The following THRAP3 variants were observed in gnomAD, a reference collection of about 807,000 sequenced individuals.
The protein encoded by THRAP3 is thyroid hormone receptor associated protein 3, also known as thyroid hormone receptor-associated protein 3.
In THRAP3, 16 loss-of-function variants were observed where a neutral mutation model predicts 101.0. The observed-to-expected ratio is 0.16, with a 90% confidence interval of 0.11 to 0.24. The LOEUF (loss-of-function observed/expected upper bound fraction) is 0.24. Among genes scored for constraint, THRAP3 ranks in the 10% least tolerant of loss-of-function variants. The pLI is 1.00. For synonymous variants in THRAP3, 407 were observed against 422.6 expected, an observed-to-expected ratio of 0.96 and a Z score of 0.45; for missense variants, 989 against 1,202.7, an observed-to-expected ratio of 0.82 and a Z score of 2.63.
At chr1:36,257,705 TA>T (rs1645393168) in intron 1 of THRAP3, among the ~76,000 whole-genome samples, 1 of 152,198 alleles carries the variant, frequency 6.6e-6, no homozygotes, top group South Asian at 2.1e-4. Flanking sequence ...GTTGGAATGA[TA>T]AAATTCTTGC....
chr1:36,215,165 A>C, the THRAP3 span, among the ~76,000 whole-genome samples: 1 of 152,058 alleles, frequency 6.6e-6, no homozygotes, highest in African/African-American at 2.4e-5. Flanking sequence ...TGGGGCTTGC[A>C]GTGAGCCGAG....
chr1:36,288,215 A>G (rs1159073092), intron 4 of THRAP3: 4 of 841,604 alleles, frequency 4.8e-6, no homozygotes, highest in African/African-American at 1.8e-5. Flanking sequence ...TACATGGATA[A>G]GTTTGTTAAT....
chr1:36,280,789 G>C (rs774401894), intron 2 of THRAP3, among the ~76,000 whole-genome samples: 9 of 152,002 alleles, frequency 5.9e-5, no homozygotes, highest in Non-Finnish European at 1.2e-4. Flanking sequence ...AAGGAGAGAA[G>C]TATACCTTGT....
Position 36,286,769 on chromosome 1 carries a change from A to G in THRAP3, c.539A>G (p.Lys180Arg). The stretch of plus-strand genomic sequence containing the variant: ...TCTAAGCGCAAGTCTGCAAAGGAGA[A>G]AAAGTCCTCTTCTAAGGATAGCCGG... ...ESSKRKSAKEKKSSSKDSRPS... is the reference protein window; with the variant it reads ...ESSKRKSAKERKSSSKDSRPS... Residue 180 changes from lysine (K) to arginine (R), a missense_variant, in exon 4 of 12, where the codon AAA becomes AGA. Physicochemically the swap from Lys to Arg is conservative, Grantham distance 26. Transcript: ENST00000354618. The surrounding 1 kb of genome is among the most constrained non-coding windows in gnomAD (Gnocchi z 5.5). 6.2e-7 allele frequency: 1 copy of G among 1,614,222 alleles called. No homozygotes were observed. The highest frequency in any genetic ancestry group is 8.5e-7 in the Non-Finnish European group (1 of 1,180,040).
chr1:36,263,883 T>A (rs1392060496), intron 2 of THRAP3, among the ~76,000 whole-genome samples: 2 of 152,250 alleles, frequency 1.3e-5, no homozygotes, highest in African/African-American at 4.8e-5. Flanking sequence ...CGAAGAGATT[T>A]GTCTTCCAAA....
At chr1:36,245,921 TAAG>T (rs1645225296) in intron 1 of THRAP3, among the ~76,000 whole-genome samples, 1 of 152,218 alleles carries the variant, frequency 6.6e-6, no homozygotes, top group Admixed American at 6.5e-5. Context: ...CATCTGATAA[TAAG>T]AGGTAACCTG....
intron 1 of THRAP3, among the ~76,000 whole-genome samples, chr1:36,246,293 A>C (rs1645229663): frequency 6.6e-6 from 1 of 152,134 alleles, no homozygotes; most frequent in South Asian, 2.1e-4. Flanking sequence ...AGAAAAGTGG[A>C]GCGATCTTGG....
chr1:36,275,815 G>GT lies in THRAP3; in HGVS notation c.-31-6716dup, dbSNP rs770502276. Among the ~76,000 whole-genome samples the GT allele has an allele frequency of 9.2e-5, 14 of 151,738 alleles. No individual in the cohort carries two copies. In the East Asian group the frequency reaches 2.5e-3, roughly 28 times the overall value. On this transcript the variant is annotated intron_variant, in intron 2 of 11. Coordinates refer to ENST00000354618, the MANE Select transcript of THRAP3 (RefSeq NM_005119.4). Reference sequence around the variant, plus strand: ...GTGGGTGGATTGCTTGAGCCCAGGAGTTCCAGACCAGTCTGGACAACATGG... The same window carrying GT: ...GTGGGTGGATTGCTTGAGCCCAGGAGTTTCCAGACCAGTCTGGACAACATGG...
rs897530334 is a variant in THRAP3 at position 36,305,063 on chromosome 1, G to A, written c.*1046G>A. On this transcript the variant is annotated 3_prime_UTR_variant, in exon 12 of 12. Coordinates refer to ENST00000354618, the MANE Select transcript of THRAP3 (RefSeq NM_005119.4). The stretch of plus-strand genomic sequence containing the variant: ...TGTTTAAGTTGAAGCATTCTCAGAT[G>A]TTTGGGGGGAAACATCCTCTTAAAA... The A allele has an allele frequency of 1.8e-4, 37 of 205,812 alleles. No homozygotes were observed. Among genetic ancestry groups the A allele is most frequent in the Non-Finnish European group, 3.0e-5 (3 of 101,206 alleles). 12.7% of individuals were successfully genotyped at this position (205,812 alleles called of 1,614,324 possible).
At chr1:36,237,063 A>G (rs1176361992) in intron 1 of THRAP3, among the ~76,000 whole-genome samples, 3 of 151,984 alleles carry the variant, frequency 2.0e-5, no homozygotes, top group African/African-American at 4.8e-5. Context: ...GTAATCCCAG[A>G]TACTGGGGAG....
the THRAP3 span, among the ~76,000 whole-genome samples, chr1:36,215,321 G>A: frequency 1.3e-5 from 2 of 152,114 alleles, no homozygotes; most frequent in Non-Finnish European, 2.9e-5. Context: ...AGTGGGATCC[G>A]GCTCCTTAGG....
At position 36,255,086 on chromosome 1, in the gene THRAP3, A is replaced by AT. The variant is rs879925583; in HGVS notation, c.-134-4286dup. Among the ~76,000 whole-genome samples, 121 of 149,536 alleles carry AT rather than the reference A, an allele frequency of 8.1e-4. No homozygotes were observed. The East Asian group carries it at 0.013, about 16-fold the overall frequency. ...GCTAAGCTGTCATCTTATGCTTAGT[A>AT]TTTTTTTTTTACAGTGGGGAATTGC... On this transcript the variant is annotated intron_variant, in intron 1 of 11. Transcript: ENST00000354618.
At chr1:36,246,381 C>T in intron 1 of THRAP3, among the ~76,000 whole-genome samples, 1 of 152,146 alleles carries the variant, frequency 6.6e-6, no homozygotes, top group East Asian at 1.9e-4. Context: ...TTCAGTTGCA[C>T]ACCACCATGC....
chr1:36,227,751 T>A (rs999428578), intron 1 of THRAP3, among the ~76,000 whole-genome samples: 1 of 152,154 alleles, frequency 6.6e-6, no homozygotes, highest in Admixed American at 6.5e-5. Flanking sequence ...AAGCAGAGAT[T>A]GGAGGGTAAG....
chr1:36,232,270 T>G (rs1346857729), intron 1 of THRAP3, among the ~76,000 whole-genome samples: 1 of 152,170 alleles, frequency 6.6e-6, no homozygotes, highest in Non-Finnish European at 1.5e-5. Context: ...AGGCATAAGA[T>G]GACCCTTTAC....
At position 36,293,956 on chromosome 1, in the gene THRAP3, G is replaced by C. The variant is rs367833253; in HGVS notation, c.2115+21G>C. ...ACAAGGTGAACTGTTGATTTGATCA[G>C]TAATTCCAACAAAATGAGTGCGTTG... is the stretch of plus-strand genomic sequence containing the variant. On this transcript the variant is annotated intron_variant, in intron 8 of 11. Transcript: ENST00000354618. 4 of 1,607,620 alleles carry C rather than the reference G, an allele frequency of 2.5e-6. No homozygotes were observed. In the African/African-American group the frequency reaches 5.3e-5, roughly 21 times the overall value.
intron 1 of THRAP3, among the ~76,000 whole-genome samples, chr1:36,230,779 T>G (rs1645019535): frequency 6.6e-6 from 1 of 152,210 alleles, no homozygotes. Context: ...AAATCCAATC[T>G]GCAGATATAT....
At chr1:36,210,944 G>C in the THRAP3 span, among the ~76,000 whole-genome samples, 18 of 150,314 alleles carry the variant, frequency 1.2e-4, no homozygotes, top group Non-Finnish European at 2.4e-4. Context: ...CAGGTGTGGT[G>C]GTTCATGATG....
intron 2 of THRAP3, among the ~76,000 whole-genome samples, chr1:36,271,678 C>T (rs766114165): frequency 4.0e-5 from 6 of 151,054 alleles, no homozygotes; most frequent in Non-Finnish European, 8.8e-5. Context: ...ACCACAACCT[C>T]CACCTCCCGA....
Sources: gnomAD v4.1 joint callset for allele counts (sites outside exome capture counted in the v4.1 genomes callset) on GRCh38, gnomAD v4.1.1 for gene constraint, Gnocchi (gnomAD v3.1) non-coding constraint, MANE v1.5 for transcripts, NCBI Gene and HGNC (gene_info 2026-07-23, HGNC 2026-07-21) for gene names.